Variants in SCN1B observed in about 807,000 individuals in gnomAD.
The protein encoded by SCN1B is sodium channel regulatory subunit beta-1.
Under a neutral mutation model 25.7 loss-of-function variants are expected in SCN1B, and 11 were observed. The ratio of observed to expected loss-of-function variants is 0.43; its 90% CI spans 0.27 to 0.71. The LOEUF is 0.71. SCN1B is among the 30% of genes least tolerant of loss of function. The probability of loss-of-function intolerance (pLI) is 0.21; values close to 1 mark genes in which losing one functional copy is unlikely to be tolerated. For synonymous variants in SCN1B, 119 were observed against 117.5 expected, an observed-to-expected ratio of 1.01 and a Z score of -0.08; for missense variants, 224 against 291.5, an observed-to-expected ratio of 0.77 and a Z score of 1.69.
intron 3 of SCN1B, chr19:35,034,364 A>T: frequency 1.9e-6 from 1 of 513,506 alleles, no homozygotes; most frequent in Non-Finnish European, 3.5e-6. Context: ...GTCCTTTCTA[A>T]AGCTCTCAGG....
chr19:35,031,069 C>T (rs1338805396), intron 1 of SCN1B, among the ~76,000 whole-genome samples: 7 of 151,720 alleles, frequency 4.6e-5, no homozygotes, highest in Non-Finnish European at 1.0e-4. Context: ...CGGGTGGGGG[C>T]CGGGCTGGCA....
Position 35,032,610 on chromosome 19 carries a change from C to T in SCN1B, c.123C>T (p.Ile41=), listed in dbSNP as rs1383536551. 5 of 1,614,056 alleles carry T rather than the reference C, an allele frequency of 3.1e-6. No homozygotes were observed. In the African/African-American group the frequency reaches 6.7e-5, roughly 22 times the overall value. ...GGATGACCTTCAAAATTCTTTGCAT[C>T]TCCTGCAAGCGCCGCAGCGAGACCA... ...VYGMTFKILC[I]SCKRRSETNA... is the part of the protein sequence containing the mutation. The change falls in exon 2 of 6, where the codon ATC becomes ATT. Residue 41 remains isoleucine (I), a synonymous_variant. Transcript: ENST00000262631. The surrounding 1 kb of genome is among the most constrained non-coding windows in gnomAD (Gnocchi z 4.3).
At position 35,032,809 on chromosome 19, in the gene SCN1B, C is replaced by T; in HGVS notation, c.207+115C>T. 7.8e-7 allele frequency: 1 copy of T among 1,275,144 alleles called. No homozygotes were observed. Among genetic ancestry groups the T allele is most frequent in the Non-Finnish European group, 1.1e-6 (1 of 901,966 alleles). The allele number at this position is 1,275,144 out of a possible 1,614,324, so 79.0% of individuals were successfully genotyped here. On this transcript the variant is annotated intron_variant, in intron 2 of 5. Coordinates refer to ENST00000262631, the MANE Select transcript of SCN1B (RefSeq NM_001037.5). The surrounding 1 kb of genome is among the most constrained non-coding windows in gnomAD (Gnocchi z 4.3). ...TTAATAATATGCTGTGATTGCTGAC[C>T]TGGATTCAGATTCTGGCTCCACCAG...
rs866032945 is a variant in SCN1B, at chr19:35,030,524, G to A, written c.-297G>A. On this transcript the variant is annotated 5_prime_UTR_variant, in exon 1 of 6. Transcript: ENST00000262631. The stretch of plus-strand genomic sequence containing the variant: ...AGCGCGCCCGAGCCGGAGCGGGACC[G>A]GGGTCGGTGCACCTAGCGGATGTGC... The A allele has an allele frequency of 1.8e-4, 28 of 157,150 alleles. 1 individual carries two copies. The South Asian group carries it at 4.0e-3, about 22-fold the overall frequency. 9.7% of individuals were successfully genotyped at this position (157,150 alleles called of 1,614,324 possible). A position where few individuals can be genotyped will look rare whatever the true frequency, so the allele number is the denominator to read the frequency against.
At chr19:35,035,382 C>CA (rs2064241735) in intron 3 of SCN1B, 1 of 151,952 alleles carries the variant, frequency 6.6e-6, no homozygotes, top group Admixed American at 6.6e-5. Flanking sequence ...CTCTGCCTCC[C>CA]AGGTTCAAGT....
In SCN1B at chr19:35,034,205, CG is replaced by C. The variant is rs2064234591; in HGVS notation, c.448+467del. On this transcript the variant is annotated intron_variant, in intron 3 of 5. Transcript: ENST00000262631. Reference sequence around the variant, plus strand: ...GGCGAGGGTGGCGGTTCTTACTGTTCGAGTAGCTCAGCCCTGCTGCCCTCTG... The same window carrying C: ...GGCGAGGGTGGCGGTTCTTACTGTTCAGTAGCTCAGCCCTGCTGCCCTCTG... The C allele has an allele frequency of 7.2e-6, 11 of 1,524,980 alleles. No individual in the cohort carries two copies. The South Asian group carries it at 1.0e-4, about 14-fold the overall frequency. 94.5% of individuals were successfully genotyped at this position (1,524,980 alleles called of 1,614,324 possible).
chr19:35,033,955 C>A, intron 3 of SCN1B: 2 of 1,553,438 alleles, frequency 1.3e-6, no homozygotes, highest in South Asian at 2.4e-5. Flanking sequence ...CATGCCTGTC[C>A]CCCACAGACG....
chr19:35,035,932 G>C (rs1404115132), intron 3 of SCN1B: 1 of 151,552 alleles, frequency 6.6e-6, no homozygotes. Context: ...ACTGTGGCGT[G>C]ATCATAGCCC....
At chr19:35,036,717 G>A (rs2064250017) in intron 3 of SCN1B, 3 of 148,742 alleles carry the variant, frequency 2.0e-5, no homozygotes, top group Admixed American at 6.8e-5. Context: ...ACAGGCGTAA[G>A]TTACCATGCC....
rs2064223846 is a variant in SCN1B at position 35,032,972 on chromosome 19, T to C, written c.207+278T>C. Among the ~76,000 whole-genome samples, 1 of 152,158 alleles carries C rather than the reference T, an allele frequency of 6.6e-6. No individual in the cohort carries two copies. Among genetic ancestry groups the C allele is most frequent in the South Asian group, 2.1e-4 (1 of 4,824 alleles). ...ATGCATTGACGCACCTGGCACACGG[T>C]TGGCATGAAATAAATGTCAGTGGAC... On this transcript the variant is annotated intron_variant, in intron 2 of 5. Transcript: ENST00000262631. This position sits in a 1 kb window ranked among gnomAD's most constrained non-coding sequence, Gnocchi z 4.3.
rs893255508 is a variant in SCN1B at position 35,032,096 on chromosome 19, T to A, written c.41-432T>A. Among the ~76,000 whole-genome samples the A allele has an allele frequency of 7.9e-5, 12 of 152,142 alleles. 1 individual carries two copies. Among genetic ancestry groups the A allele is most frequent in the African/African-American group, 2.9e-4 (12 of 41,424 alleles). The stretch of plus-strand genomic sequence containing the variant: ...CCTGGAGCTAGCTGGTTTTACAATT[T>A]AATGGTGAAAATGACTGCCACCTTA... On this transcript the variant is annotated intron_variant, in intron 1 of 5. Coordinates refer to ENST00000262631, the MANE Select transcript of SCN1B (RefSeq NM_001037.5). This position sits in a 1 kb window ranked among gnomAD's most constrained non-coding sequence, Gnocchi z 4.3.
rs1209618630 is a variant in SCN1B at position 35,040,103 on chromosome 19, C to T, written c.*312C>T. Reference sequence around the variant, plus strand: ...AGGTGGGGGCAGCGGCCCCGCACCCCTCCTCCTTGCTGATTTGCACACATT... The same window carrying T: ...AGGTGGGGGCAGCGGCCCCGCACCCTTCCTCCTTGCTGATTTGCACACATT... On this transcript the variant is annotated 3_prime_UTR_variant, in exon 6 of 6. Transcript: ENST00000262631. 2 of 279,008 alleles carry T rather than the reference C, an allele frequency of 7.2e-6. No homozygotes were observed. Among genetic ancestry groups the T allele is most frequent in the African/African-American group, 2.2e-5 (1 of 45,780 alleles). The allele number at this position is 279,008 out of a possible 1,614,324, so 17.3% of individuals were successfully genotyped here. A position where few individuals can be genotyped will look rare whatever the true frequency, so the allele number is the denominator to read the frequency against.
At chr19:35,039,088 A>C (rs749855417) in intron 3 of SCN1B, 29 bp from the exon 4 acceptor site, 1 of 1,613,724 alleles carries the variant, frequency 6.2e-7, no homozygotes, top group South Asian at 1.1e-5. Flanking sequence ...AGCCTGGGCT[A>C]CCCCCTTAAC....
intron 3 of SCN1B, chr19:35,038,058 A>C (rs1600369528): frequency 6.7e-6 from 1 of 148,216 alleles, no homozygotes. Context: ...GGGGCAGGGC[A>C]GGCAGGGGGG....
intron 2 of SCN1B, among the ~76,000 whole-genome samples, chr19:35,033,282 C>T (rs2064225856): frequency 6.6e-6 from 1 of 151,948 alleles, no homozygotes; most frequent in South Asian, 2.1e-4. Context: ...TGTGTGTGCT[C>T]GTGTGCATCT....
rs1227044190 is a variant in SCN1B at position 35,033,936 on chromosome 19, A to G, written c.448+197A>G. The G allele has an allele frequency of 6.4e-6, 10 of 1,557,492 alleles. No individual in the cohort carries two copies. In the Admixed American group the frequency reaches 1.8e-4, roughly 27 times the overall value. On this transcript the variant is annotated intron_variant, in intron 3 of 5. Transcript: ENST00000262631. ...CTCTGTTTCTCTCCAGCCCACGGAG[A>G]GGTCAAAGCATGCCTGTCCCCCACA...
At position 35,030,716 on chromosome 19, in the gene SCN1B, C is replaced by G; in HGVS notation, c.-105C>G. Reference sequence around the variant, plus strand: ...GTCCCAGAGCCGCAGCTGCTGCGCCCGCGCGCTCCCGGGGACATTCTAACC... The same window carrying G: ...GTCCCAGAGCCGCAGCTGCTGCGCCGGCGCGCTCCCGGGGACATTCTAACC... On this transcript the variant is annotated 5_prime_UTR_variant, in exon 1 of 6. Coordinates refer to ENST00000262631, the MANE Select transcript of SCN1B (RefSeq NM_001037.5). 3.4e-6 allele frequency: 1 copy of G among 295,312 alleles called. No homozygotes were observed. The allele number at this position is 295,312 out of a possible 1,614,324, so 18.3% of individuals were successfully genotyped here.
At chr19:35,034,458 C>T in intron 3 of SCN1B, 2 of 281,560 alleles carry the variant, frequency 7.1e-6, no homozygotes, top group East Asian at 8.7e-5. Flanking sequence ...CATCATTTTG[C>T]CTCAGCCACC....
At chr19:35,034,232 T>C in intron 3 of SCN1B, 3 of 1,458,330 alleles carry the variant, frequency 2.1e-6, no homozygotes, top group Non-Finnish European at 2.8e-6. Context: ...CTGCCCTCTG[T>C]GGTGATGAGG....
Sources: gnomAD v4.1 joint callset for allele counts (sites outside exome capture counted in the v4.1 genomes callset) on GRCh38, gnomAD v4.1.1 for gene constraint, Gnocchi (gnomAD v3.1) non-coding constraint, MANE v1.5 for transcripts, NCBI Gene and HGNC (gene_info 2026-07-23, HGNC 2026-07-21) for gene names.